Variants in ABLIM2 observed in about 807,000 individuals in gnomAD.
ABLIM2 encodes actin binding LIM protein family member 2, also known as actin-binding LIM protein 2.
Under a neutral mutation model 97.7 loss-of-function variants are expected in ABLIM2, and 53 were observed. The ratio of observed to expected loss-of-function variants is 0.54; its 90% confidence interval spans 0.44 to 0.68. The LOEUF is 0.68. Among genes scored for constraint, ABLIM2 ranks in the 30% least tolerant of loss-of-function variants. The pLI, the probability that ABLIM2 is intolerant of heterozygous loss-of-function variation, is 0.00. For synonymous variants in ABLIM2, 361 were observed against 345.8 expected, an observed-to-expected ratio of 1.04 and a Z score of -0.49; for missense variants, 835 against 867.2, an observed-to-expected ratio of 0.96 and a Z score of 0.47.
rs776785180 is a variant in ABLIM2 at position 7,992,883 on chromosome 4, T to C, written c.1663A>G (p.Asn555Asp). ...KSDPLPGHGKNGLDQRNANLA... is the reference protein window; with the variant it reads ...KSDPLPGHGKDGLDQRNANLA... Reference sequence around the variant, plus strand: ...GTACCTACCCGCTGGTCCAAGCCATTCTTTCCATGTCCTGGGAGAGGGTCA... The same window carrying C: ...GTACCTACCCGCTGGTCCAAGCCATCCTTTCCATGTCCTGGGAGAGGGTCA... Residue 555 changes from asparagine (N) to aspartate (D), a missense_variant, in exon 17 of 21, where the codon AAT becomes GAT. Asn to Asp is a conservative substitution (Grantham distance 23). Coordinates refer to ENST00000447017, the MANE Select transcript of ABLIM2 (RefSeq NM_001130083.2). This position sits in a 1 kb window ranked among gnomAD's most constrained non-coding sequence, Gnocchi z 5.7. 1.9e-6 allele frequency: 3 copies of C among 1,613,092 alleles called. No individual in the cohort carries two copies. Among genetic ancestry groups the C allele is most frequent in the East Asian group, 2.2e-5 (1 of 44,862 alleles).
intron 9 of ABLIM2, among the ~76,000 whole-genome samples, chr4:8,039,885 T>TTTTTTG (rs1168738092): frequency 2.8e-5 from 4 of 143,320 alleles, no homozygotes; most frequent in Admixed American, 1.4e-4. Flanking sequence ...TTTTTTTTTT[T>TTTTTTG]TTTTTTTTTT....
intron 20 of ABLIM2, among the ~76,000 whole-genome samples, chr4:7,973,281 C>A (rs565152211): frequency 2.0e-5 from 3 of 151,776 alleles, no homozygotes; most frequent in Non-Finnish European, 4.4e-5. Flanking sequence ...GGGGCTGAGA[C>A]GGGTAGATCA....
intron 16 of ABLIM2, among the ~76,000 whole-genome samples, chr4:7,997,888 C>CTT (rs1264624649): frequency 6.8e-6 from 1 of 147,052 alleles, no homozygotes; most frequent in Non-Finnish European, 1.5e-5. Flanking sequence ...TTCTTTTTTT[C>CTT]TTTTTTTTTT....
chr4:8,035,892 C>T (rs1784216528), intron 10 of ABLIM2, among the ~76,000 whole-genome samples: 1 of 152,238 alleles, frequency 6.6e-6, no homozygotes, highest in South Asian at 2.1e-4. Context: ...ATGCTTCCTA[C>T]TTTCTACTCC....
chr4:7,986,347 G>C lies in ABLIM2; in HGVS notation c.1681-1454C>G, dbSNP rs950478761. 1.3e-5 allele frequency among the ~76,000 whole-genome samples: 2 copies of C among 152,170 alleles called. No individual in the cohort carries two copies. The highest frequency in any genetic ancestry group is 1.3e-4 in the Admixed American group (2 of 15,284). On this transcript the variant is annotated intron_variant, in intron 17 of 20. Coordinates refer to ENST00000447017, the MANE Select transcript of ABLIM2 (RefSeq NM_001130083.2). The surrounding 1 kb of genome is among the most constrained non-coding windows in gnomAD (Gnocchi z 4.3). ...AGTCCAAAGCCCTTTATCTGAAACA[G>C]GAAAACCGAGGCCCCGAGGGAAGCT...
chr4:8,020,492 T>A, intron 12 of ABLIM2, 189 bp from the exon 13 acceptor site: 1 of 676,074 alleles, frequency 1.5e-6, no homozygotes, highest in Admixed American at 2.1e-5. Context: ...AAGGACTTGC[T>A]AATCCAACCC....
intron 16 of ABLIM2, chr4:7,993,928 C>G (rs756970262): frequency 3.3e-5 from 17 of 514,534 alleles, no homozygotes; most frequent in South Asian, 1.6e-4. Context: ...AGTTTGAGAC[C>G]TCCGAAGTAA....
At chr4:8,016,202 C>A (rs1454626744) in intron 14 of ABLIM2, among the ~76,000 whole-genome samples, 1 of 152,006 alleles carries the variant, frequency 6.6e-6, no homozygotes, top group African/African-American at 2.4e-5. Flanking sequence ...CACCACCATG[C>A]CAGGTTAATT....
In ABLIM2 at chr4:7,989,498, T is replaced by C. The variant is rs116315355; in HGVS notation, c.1680+3368A>G. On this transcript the variant is annotated intron_variant, in intron 17 of 20. Coordinates refer to ENST00000447017, the MANE Select transcript of ABLIM2 (RefSeq NM_001130083.2). ...TAAGTTGATGAATGCTATAACTGCT[T>C]TATTCCATTATGCCTCCATAATGAA... 1.1e-3 allele frequency: 924 copies of C among 869,928 alleles called. 10 individuals carry two copies. The African/African-American group carries it at 0.016, about 15-fold the overall frequency. 53.9% of individuals were successfully genotyped at this position (869,928 alleles called of 1,614,324 possible). A position where few individuals can be genotyped will look rare whatever the true frequency, so the allele number is the denominator to read the frequency against.
At chr4:8,158,632 C>A in intron 1 of ABLIM2, 48 bp downstream of exon 1, 1 of 1,504,674 alleles carries the variant, frequency 6.6e-7, no homozygotes, top group Middle Eastern at 1.9e-4. Context: ...CTTGCGGCGC[C>A]GCGAGCCAGC....
intron 17 of ABLIM2, among the ~76,000 whole-genome samples, chr4:7,988,638 G>C (rs1382089093): frequency 6.6e-6 from 1 of 152,232 alleles, no homozygotes; most frequent in Non-Finnish European, 1.5e-5. Flanking sequence ...AAGCAAGATA[G>C]AGCAGGAATT....
chr4:8,105,603 G>A (rs886871300), intron 2 of ABLIM2, among the ~76,000 whole-genome samples: 1 of 152,242 alleles, frequency 6.6e-6, no homozygotes, highest in East Asian at 1.9e-4. Context: ...GGTTCATCGA[G>A]GGTCGTTATG....
chr4:8,017,577 C>G (rs993862795), intron 14 of ABLIM2, among the ~76,000 whole-genome samples: 2 of 152,134 alleles, frequency 1.3e-5, no homozygotes, highest in Non-Finnish European at 2.9e-5. Context: ...TGTGAGCCAC[C>G]ACACCCGGCT....
At chr4:7,985,141 C>T (rs950067502) in intron 17 of ABLIM2, among the ~76,000 whole-genome samples, 14 of 152,320 alleles carry the variant, frequency 9.2e-5, no homozygotes, top group African/African-American at 2.9e-4. Context: ...ACTGCCTGGG[C>T]GGTCTCCACA....
chr4:8,048,630 G>A (rs66980182), intron 8 of ABLIM2, among the ~76,000 whole-genome samples: 24,675 of 152,152 alleles, frequency 0.16, 2,194 homozygotes, highest in East Asian at 0.28. Context: ...CCATTCAGCC[G>A]GAACGGCCCC....
rs917744406 is a variant in ABLIM2 at position 8,012,237 on chromosome 4, C to A, written c.1424-3135G>T. Among the ~76,000 whole-genome samples, 4 of 150,844 alleles carry A rather than the reference C, an allele frequency of 2.7e-5. No homozygotes were observed. The South Asian group carries it at 8.5e-4, about 32-fold the overall frequency. On this transcript the variant is annotated intron_variant, in intron 14 of 20. Coordinates refer to ENST00000447017, the MANE Select transcript of ABLIM2 (RefSeq NM_001130083.2). ...TACATCCATCTGTCCATTCATCCAG[C>A]CAGCCAGGCACCCATCCACTGATCC...
At chr4:7,983,224 A>G (rs1480625715) in intron 20 of ABLIM2, 40 bp downstream of exon 20, 4 of 1,577,040 alleles carry the variant, frequency 2.5e-6, no homozygotes, top group Admixed American at 1.8e-5. Flanking sequence ...GGACTCTCGC[A>G]TGGGAAATGA....
chr4:8,127,451 C>T lies in ABLIM2; in HGVS notation c.11-20814G>A. 2.4e-6 allele frequency: 3 copies of T among 1,266,282 alleles called. No homozygotes were observed. Among genetic ancestry groups the T allele is most frequent in the Non-Finnish European group, 3.1e-6 (3 of 969,940 alleles). The allele number at this position is 1,266,282 out of a possible 1,614,324, so 78.4% of individuals were successfully genotyped here. On this transcript the variant is annotated intron_variant, in intron 1 of 20. Coordinates refer to ENST00000447017, the MANE Select transcript of ABLIM2 (RefSeq NM_001130083.2). The surrounding 1 kb of genome is among the most constrained non-coding windows in gnomAD (Gnocchi z 7.3). ...TCCCACCAGACCCCTGAAGCTGATT[C>T]ATGGAGCTCACAGCTCCCAGTCCCC... is the stretch of plus-strand genomic sequence containing the variant.
intron 20 of ABLIM2, among the ~76,000 whole-genome samples, chr4:7,981,482 C>T (rs994941880): frequency 6.6e-6 from 1 of 152,182 alleles, no homozygotes; most frequent in African/African-American, 2.4e-5. Context: ...ACCGTGGGCC[C>T]GTGTTCTCAG....
Sources: allele counts gnomAD v4.1 joint callset (sites outside exome capture counted in the v4.1 genomes callset), GRCh38; gene constraint gnomAD v4.1.1; non-coding constraint Gnocchi (gnomAD v3.1); transcripts MANE v1.5; gene names NCBI Gene and HGNC (gene_info 2026-07-23, HGNC 2026-07-21).